RMND1: variants seen among roughly 807,000 people sequenced by gnomAD.
The protein encoded by RMND1 is required for meiotic nuclear division protein 1 homolog.
Under a neutral mutation model 54.0 loss-of-function variants are expected in RMND1, and 41 were observed. The ratio of observed to expected loss-of-function variants is 0.76; its 90% confidence interval spans 0.59 to 0.98. RMND1 has a LOEUF of 0.98. RMND1 is among the 50% of genes least tolerant of loss of function. RMND1 has a pLI of 0.00. For missense variants in RMND1, 457 were observed against 532.0 expected (o/e 0.86, Z 1.39); for synonymous variants, 183 against 181.7 (o/e 1.01, Z -0.06).
chr6:151,424,607 C>T (rs1195440567), intron 6 of RMND1, among the ~76,000 whole-genome samples: 1 of 152,012 alleles, frequency 6.6e-6, no homozygotes, highest in African/African-American at 2.4e-5. Flanking sequence ...AAAAGGAGAA[C>T]GTTCACAGTA....
intron 2 of RMND1, chr6:151,444,355 G>A (rs1780888114): frequency 6.6e-6 from 1 of 152,178 alleles, no homozygotes; most frequent in African/African-American, 2.4e-5. Flanking sequence ...TTCACGTCCT[G>A]AGTTCAGAGT....
chr6:151,449,165 G>C (rs543043514), intron 1 of RMND1, among the ~76,000 whole-genome samples: 1 of 147,626 alleles, frequency 6.8e-6, no homozygotes, highest in East Asian at 2.1e-4. Flanking sequence ...TCAGATGTTC[G>C]AGGCCAGCCT....
At chr6:151,411,809 G>A (rs1163215763) in intron 10 of RMND1, 1 of 152,184 alleles carries the variant, frequency 6.6e-6, no homozygotes, top group African/African-American at 2.4e-5. Flanking sequence ...CAACTTTGAT[G>A]GCCTGAAGCT....
At chr6:151,432,199 A>C (rs1199532212) in intron 4 of RMND1, among the ~76,000 whole-genome samples, 1 of 152,112 alleles carries the variant, frequency 6.6e-6, no homozygotes, top group African/African-American at 2.4e-5. Flanking sequence ...AGCCTCCCAA[A>C]GTGCTGGGAT....
At chr6:151,425,946 C>CTTTTT (rs67910450) in intron 6 of RMND1, among the ~76,000 whole-genome samples, 10 of 137,706 alleles carry the variant, frequency 7.3e-5, no homozygotes, top group African/African-American at 2.2e-4. Flanking sequence ...GCTTTTAACG[C>CTTTTT]TTTTTTTTTT....
Position 151,405,648 on chromosome 6 carries a change from A to G in RMND1, c.1317+72T>C, listed in dbSNP as rs1234136504. Reference sequence around the variant, plus strand: ...TGCTAATAATTTTCTATCTCAAACTATCTTATTAGCATAGCCCCTGTATTT... The same window carrying G: ...TGCTAATAATTTTCTATCTCAAACTGTCTTATTAGCATAGCCCCTGTATTT... On this transcript the variant is annotated intron_variant, in intron 11 of 11. Coordinates refer to ENST00000444024, the MANE Select transcript of RMND1 (RefSeq NM_017909.4). The G allele has an allele frequency of 6.6e-6, 5 of 760,090 alleles. No homozygotes were observed. The Admixed American group carries it at 9.2e-5, about 14-fold the overall frequency. 47.1% of individuals were successfully genotyped at this position (760,090 alleles called of 1,614,324 possible). A position where few individuals can be genotyped will look rare whatever the true frequency, so the allele number is the denominator to read the frequency against.
At chr6:151,439,523 C>T (rs1401991967) in intron 2 of RMND1, among the ~76,000 whole-genome samples, 3 of 152,242 alleles carry the variant, frequency 2.0e-5, no homozygotes, top group African/African-American at 7.2e-5. Flanking sequence ...TTCTTACTCT[C>T]AGAGCCTATC....
intron 3 of RMND1, chr6:151,436,142 GACAC>G (rs1780604506): frequency 4.4e-6 from 1 of 228,150 alleles, no homozygotes; most frequent in African/African-American, 2.3e-5. Context: ...AACACACACA[GACAC>G]ACACAAACTA....
At chr6:151,447,968 C>T (rs529184511) in intron 1 of RMND1, among the ~76,000 whole-genome samples, 40 of 152,118 alleles carry the variant, frequency 2.6e-4, no homozygotes, top group South Asian at 2.3e-3. Context: ...TGTCTGCCAC[C>T]ATGCCTAGTT....
At chr6:151,418,932 G>A (rs922713741) in intron 9 of RMND1, among the ~76,000 whole-genome samples, 5 of 151,904 alleles carry the variant, frequency 3.3e-5, no homozygotes, top group South Asian at 4.1e-4. Context: ...CACCACGCCC[G>A]GCTAATTTTG....
In RMND1 at chr6:151,434,276, TA is replaced by T. The variant is rs541007143; in HGVS notation, c.614-1047del. Among the ~76,000 whole-genome samples, 25 of 152,258 alleles carry T rather than the reference TA, an allele frequency of 1.6e-4. No homozygotes were observed. The East Asian group carries it at 4.1e-3, about 25-fold the overall frequency. Reference sequence around the variant, plus strand: ...TTACAACCAATGTTAATATATCAATTAAAAAATATACTATTAATTTGCAAAA... The same window carrying T: ...TTACAACCAATGTTAATATATCAATTAAAAATATACTATTAATTTGCAAAA... On this transcript the variant is annotated intron_variant, in intron 3 of 11. Transcript: ENST00000444024.
At chr6:151,406,947 C>T (rs1779645621) in intron 10 of RMND1, among the ~76,000 whole-genome samples, 6 of 152,030 alleles carry the variant, frequency 3.9e-5, no homozygotes, top group Admixed American at 3.9e-4. Context: ...CGCACTTGAG[C>T]TCAGGAGTTG....
At chr6:151,419,354 C>G (rs116078537) in intron 9 of RMND1, among the ~76,000 whole-genome samples, 4 of 151,874 alleles carry the variant, frequency 2.6e-5, no homozygotes, top group Non-Finnish European at 5.9e-5. Flanking sequence ...TGTGAGCCAC[C>G]GTGCCTGGCC....
At chr6:151,420,331 C>T (rs771364360) in intron 9 of RMND1, among the ~76,000 whole-genome samples, 2 of 152,152 alleles carry the variant, frequency 1.3e-5, no homozygotes, top group African/African-American at 2.4e-5. Flanking sequence ...GAGAGATACA[C>T]AGACAATGAA....
At chr6:151,407,889 C>T (rs576926294) in intron 10 of RMND1, among the ~76,000 whole-genome samples, 4 of 151,954 alleles carry the variant, frequency 2.6e-5, no homozygotes, top group Admixed American at 1.3e-4. Context: ...CCAGCCTGGG[C>T]GACAGAGCGA....
intron 10 of RMND1, among the ~76,000 whole-genome samples, chr6:151,409,900 A>G (rs1229442985): frequency 1.3e-5 from 2 of 152,146 alleles, no homozygotes; most frequent in Admixed American, 1.3e-4. Flanking sequence ...TCCACTGCCA[A>G]CTAGTTTCTG....
intron 5 of RMND1, among the ~76,000 whole-genome samples, chr6:151,429,313 G>A (rs866594659): frequency 6.6e-6 from 1 of 151,924 alleles, no homozygotes; most frequent in African/African-American, 2.4e-5. Context: ...GTAGACATGG[G>A]GTTCACCATG....
At chr6:151,449,268 C>T (rs1247990341) in intron 1 of RMND1, among the ~76,000 whole-genome samples, 1 of 151,282 alleles carries the variant, frequency 6.6e-6, no homozygotes, top group African/African-American at 2.4e-5. Context: ...ACTCGGGAGG[C>T]CAAGGCAGGA....
At chr6:151,411,968 C>G (rs1267385060) in intron 10 of RMND1, 1 of 152,186 alleles carries the variant, frequency 6.6e-6, no homozygotes, top group Admixed American at 6.5e-5. Flanking sequence ...TCCTGGTGTT[C>G]ACTTTTGTGT....
Sources: allele counts gnomAD v4.1 joint callset (sites outside exome capture counted in the v4.1 genomes callset), GRCh38; gene constraint gnomAD v4.1.1; transcripts MANE v1.5; gene names NCBI Gene and HGNC (gene_info 2026-07-23, HGNC 2026-07-21).